The following RFX4 variants were observed in gnomAD, a reference collection of about 807,000 sequenced individuals.
RFX4 encodes the protein regulatory factor X4, also known as transcription factor RFX4.
RFX4 carries 10 observed loss-of-function variants against 95.0 expected under a neutral mutation model. The ratio of observed to expected loss-of-function variants is 0.11; its 90% confidence interval spans 0.06 to 0.18. The LOEUF is 0.18. RFX4 is among the 10% of genes least tolerant of loss of function. RFX4 has a pLI of 1.00. For synonymous variants in RFX4, 321 were observed against 340.7 expected (o/e 0.94, Z 0.64); for missense variants, 640 against 922.0 (o/e 0.69, Z 3.96).
intron 4 of RFX4, among the ~76,000 whole-genome samples, chr12:106,670,795 A>G (rs1292710199): frequency 6.6e-6 from 1 of 152,188 alleles, no homozygotes; most frequent in African/African-American, 2.4e-5. Flanking sequence ...GTCCCCATTC[A>G]TATCACCAGC....
At chr12:106,687,314 A>G (rs890162125) in intron 6 of RFX4, among the ~76,000 whole-genome samples, 1 of 152,036 alleles carries the variant, frequency 6.6e-6, no homozygotes, top group Non-Finnish European at 1.5e-5. Flanking sequence ...AGCACTTGGG[A>G]GGCTGAGGTG....
chr12:106,723,561 T>C (rs1040607069), intron 13 of RFX4, among the ~76,000 whole-genome samples: 1 of 152,202 alleles, frequency 6.6e-6, no homozygotes, highest in Non-Finnish European at 1.5e-5. Flanking sequence ...GCACAACACT[T>C]CCACAGTTTC....
chr12:106,675,215 G>A (rs1447463020), intron 4 of RFX4, among the ~76,000 whole-genome samples: 1 of 152,154 alleles, frequency 6.6e-6, no homozygotes, highest in Non-Finnish European at 1.5e-5. Flanking sequence ...TGGATCACTT[G>A]AGGCCAGGAG....
At chr12:106,703,386 A>T (rs756648711) in intron 8 of RFX4, among the ~76,000 whole-genome samples, 4 of 152,226 alleles carry the variant, frequency 2.6e-5, no homozygotes, top group Non-Finnish European at 4.4e-5. Context: ...TTTTAGTCTC[A>T]TCCTTTTCTG....
At chr12:106,682,695 A>G (rs1174560151) in intron 5 of RFX4, 1 of 152,406 alleles carries the variant, frequency 6.6e-6, no homozygotes, top group African/African-American at 2.4e-5. Context: ...TGTAGCAGAG[A>G]GCAACAAAAG....
intron 1 of RFX4, among the ~76,000 whole-genome samples, chr12:106,592,207 A>G (rs1430155460): frequency 4.5e-5 from 1 of 22,078 alleles, no homozygotes; most frequent in Non-Finnish European, 1.1e-4. Context: ...AAGAATACTG[A>G]AAAAAAAAAT....
At chr12:106,735,324 T>G (rs1173508655) in intron 15 of RFX4, among the ~76,000 whole-genome samples, 1 of 152,150 alleles carries the variant, frequency 6.6e-6, no homozygotes, top group Admixed American at 6.5e-5. Context: ...AATATTCATT[T>G]AATAAGTGTT....
In RFX4 at chr12:106,720,951, G is replaced by C; in HGVS notation, c.1351+75G>C. On this transcript the variant is annotated intron_variant, in intron 13 of 17. Coordinates refer to ENST00000392842, the MANE Select transcript of RFX4 (RefSeq NM_213594.3). This position sits in a 1 kb window ranked among gnomAD's most constrained non-coding sequence, Gnocchi z 4.2. Reference sequence around the variant, plus strand: ...ACGGAGCCCAGAGGAATCTACCACAGTCTAACTTGCTGTTTCTGCAAGGTC... The same window carrying C: ...ACGGAGCCCAGAGGAATCTACCACACTCTAACTTGCTGTTTCTGCAAGGTC... 7.8e-7 allele frequency: 1 copy of C among 1,278,314 alleles called. No homozygotes were observed. Among genetic ancestry groups the C allele is most frequent in the South Asian group, 1.2e-5 (1 of 83,726 alleles). 79.2% of individuals were successfully genotyped at this position (1,278,314 alleles called of 1,614,324 possible).
chr12:106,613,583 C>T (rs2040007561), intron 2 of RFX4, among the ~76,000 whole-genome samples: 1 of 152,022 alleles, frequency 6.6e-6, no homozygotes, highest in African/African-American at 2.4e-5. Context: ...AGGCTGGTCT[C>T]CAACTCCTGA....
At chr12:106,644,697 T>G (rs1299837263) in intron 3 of RFX4, among the ~76,000 whole-genome samples, 1 of 152,216 alleles carries the variant, frequency 6.6e-6, no homozygotes, top group Non-Finnish European at 1.5e-5. Flanking sequence ...CTTAAAGTGT[T>G]GATGGGATTG....
chr12:106,673,100 T>A (rs2041318109), intron 4 of RFX4, among the ~76,000 whole-genome samples: 1 of 152,148 alleles, frequency 6.6e-6, no homozygotes, highest in African/African-American at 2.4e-5. Context: ...TGGGAAAGCA[T>A]AATATACCAC....
At chr12:106,627,805 C>T (rs2040332910) in intron 2 of RFX4, among the ~76,000 whole-genome samples, 1 of 152,160 alleles carries the variant, frequency 6.6e-6, no homozygotes, top group Non-Finnish European at 1.5e-5. Context: ...TGGAATGTCT[C>T]CAGGAGAAGA....
chr12:106,738,180 C>G (rs140633875), intron 15 of RFX4, among the ~76,000 whole-genome samples: 215 of 152,298 alleles, frequency 1.4e-3, no homozygotes, highest in Admixed American at 2.6e-3. Flanking sequence ...CCTGTCATCA[C>G]CAGGGAGACA....
At chr12:106,585,064 A>G (rs1475631194) in intron 1 of RFX4, among the ~76,000 whole-genome samples, 1 of 152,242 alleles carries the variant, frequency 6.6e-6, no homozygotes, top group African/African-American at 2.4e-5. Flanking sequence ...TGAGAACCCT[A>G]ACATTAAAAA....
At chr12:106,686,514 G>C (rs1179339180) in intron 5 of RFX4, among the ~76,000 whole-genome samples, 2 of 152,032 alleles carry the variant, frequency 1.3e-5, no homozygotes, top group Non-Finnish European at 2.9e-5. Flanking sequence ...TATCCTGCTT[G>C]GGTCCCCACA....
chr12:106,668,387 C>T (rs1459302259), intron 4 of RFX4, among the ~76,000 whole-genome samples: 2 of 152,118 alleles, frequency 1.3e-5, no homozygotes, highest in Non-Finnish European at 2.9e-5. Context: ...CTGCCTTTGG[C>T]TATCAGGGAG....
chr12:106,733,091 G>A lies in RFX4; in HGVS notation c.1633+6G>A, dbSNP rs1479349664. The A allele has an allele frequency of 6.2e-7, 1 of 1,613,740 alleles. No individual in the cohort carries two copies. The highest frequency in any genetic ancestry group is 1.7e-5 in the Admixed American group (1 of 59,996). ...CACTGGCCTCAGCACTACAGGTAAT[G>A]GAAAGTCCTTCAAAAACTTTGGGTA... On this transcript the variant is annotated splice_donor_region_variant and intron_variant, in intron 15 of 17. Coordinates refer to ENST00000392842, the MANE Select transcript of RFX4 (RefSeq NM_213594.3).
chr12:106,678,317 T>C (rs370787892), intron 4 of RFX4, among the ~76,000 whole-genome samples: 3 of 152,232 alleles, frequency 2.0e-5, no homozygotes, highest in South Asian at 4.1e-4. Context: ...ATAGATGTTA[T>C]GTAGGATACC....
At chr12:106,685,783 A>G (rs2041633424) in intron 5 of RFX4, among the ~76,000 whole-genome samples, 1 of 152,252 alleles carries the variant, frequency 6.6e-6, no homozygotes. Context: ...GACCTTAAAC[A>G]AATTATTTGA....
Sources: allele counts gnomAD v4.1 joint callset (sites outside exome capture counted in the v4.1 genomes callset), GRCh38; gene constraint gnomAD v4.1.1; non-coding constraint Gnocchi (gnomAD v3.1); transcripts MANE v1.5; gene names NCBI Gene and HGNC (gene_info 2026-07-23, HGNC 2026-07-21).